The following WIZ variants were observed in gnomAD, a reference collection of about 807,000 sequenced individuals.
The protein encoded by WIZ is protein Wiz.
Under a neutral mutation model 140.2 loss-of-function variants are expected in WIZ, and 25 were observed. The ratio of observed to expected loss-of-function variants is 0.18; its 90% CI spans 0.13 to 0.25. WIZ has a LOEUF of 0.25. Ranked by LOEUF, WIZ falls within the 10% of genes least tolerant of loss-of-function variation. The pLI is 1.00. For missense variants in WIZ, 2,231 were observed against 2,632.6 expected (o/e 0.85, Z 3.34); for synonymous variants, 1,125 against 1,154.3 (o/e 0.97, Z 0.51).
At position 15,429,838 on chromosome 19, in the gene WIZ, A is replaced by G. The variant is rs1476349731; in HGVS notation, c.3163T>C (p.Leu1055=). The G allele has an allele frequency of 6.5e-7, 1 of 1,530,370 alleles. No individual in the cohort carries two copies. Among genetic ancestry groups the G allele is most frequent in the South Asian group, 1.2e-5 (1 of 83,844 alleles). The allele number at this position is 1,530,370 out of a possible 1,614,324, so 94.8% of individuals were successfully genotyped here. A position where few individuals can be genotyped will look rare whatever the true frequency, so the allele number is the denominator to read the frequency against. Residue 1055 remains leucine, a synonymous_variant, in exon 7 of 13, where the codon TTG becomes CTG. Coordinates refer to ENST00000673675, the MANE Select transcript of WIZ (RefSeq NM_001371589.1). ...TCCAAGGGCTTGGCCAGGCTGAGCA[A>G]GCCGGGCCGGGGGGCCCCGGCGACC... ...EVVAGAPRPG[L]LSLAKPLDAP...
At position 15,440,348 on chromosome 19, in the gene WIZ, T is replaced by C; in HGVS notation, c.646A>G (p.Arg216Gly). Residue 216 changes from arginine (R) to glycine (G), a missense_variant, in exon 4 of 13, where the codon AGG (arginine) becomes GGG (glycine). By Grantham distance (125) the Arg-to-Gly change is moderately radical. Coordinates refer to ENST00000673675, the MANE Select transcript of WIZ (RefSeq NM_001371589.1). The surrounding 1 kb of genome is among the most constrained non-coding windows in gnomAD (Gnocchi z 6.2). Reference protein sequence around the residue: ...PAQPPPLAPFRRVFVPVEDTP... With the variant: ...PAQPPPLAPFGRVFVPVEDTP... ...TCTTCCACTGGCACAAACACCCTCC[T>C]GAAGGGGGCGAGGGGTGGCGGCTGG... The C allele has an allele frequency of 2.0e-6, 3 of 1,529,316 alleles. No homozygotes were observed. Among genetic ancestry groups the C allele is most frequent in the Non-Finnish European group, 2.6e-6 (3 of 1,142,232 alleles). 94.7% of individuals were successfully genotyped at this position (1,529,316 alleles called of 1,614,324 possible). A position where few individuals can be genotyped will look rare whatever the true frequency, so the allele number is the denominator to read the frequency against.
In WIZ at chr19:15,427,280, A is replaced by G; in HGVS notation, c.4068T>C (p.Gly1356=). The part of the protein sequence containing the change: ...KALAKMMGGA[G]PGSSLEARSP... ...TGCGGGCTTCCAGTGAGCTGCCAGG[A>G]CCTGCGCCGCCCATCATCTTGGCCA... is the stretch of plus-strand genomic sequence containing the variant. Residue 1356 remains glycine (G), a synonymous_variant, in exon 9 of 13, where the codon GGT becomes GGC. Coordinates refer to ENST00000673675, the MANE Select transcript of WIZ (RefSeq NM_001371589.1). This position sits in a 1 kb window ranked among gnomAD's most constrained non-coding sequence, Gnocchi z 6.4. 6.2e-7 allele frequency: 1 copy of G among 1,613,542 alleles called. No individual in the cohort carries two copies. Among genetic ancestry groups the G allele is most frequent in the Non-Finnish European group, 8.5e-7 (1 of 1,179,958 alleles).
Position 15,433,337 on chromosome 19 carries a change from A to C in WIZ, c.2741-2155T>G, listed in dbSNP as rs907887557. On this transcript the variant is annotated intron_variant, in intron 5 of 12. Coordinates refer to ENST00000673675, the MANE Select transcript of WIZ (RefSeq NM_001371589.1). ...TTCCTTGACAGTTGGGTGGGGCTAG[A>C]ATCGGAACATTGCCCCGCCCCCAAC... The C allele has an allele frequency of 4.1e-6, 4 of 985,196 alleles. No individual in the cohort carries two copies. The Admixed American group carries it at 1.8e-4, about 45-fold the overall frequency. The allele number at this position is 985,196 out of a possible 1,614,324, so 61.0% of individuals were successfully genotyped here.
chr19:15,425,698 G>C lies in WIZ; in HGVS notation c.4437C>G (p.Gly1479=). ...GGTGTGAGCGCGCGTGACTCGACAG[G>C]CCCTTGCGGTTCTCGAAGAACTCGC... is the stretch of plus-strand genomic sequence containing the variant. ...FCGEFFENRK[G]LSSHARSHLR... Residue 1479 remains glycine (G), a synonymous_variant, in exon 10 of 13, where the codon GGC becomes GGG. Coordinates refer to ENST00000673675, the MANE Select transcript of WIZ (RefSeq NM_001371589.1). The C allele has an allele frequency of 6.2e-7, 1 of 1,612,936 alleles. No homozygotes were observed. Among genetic ancestry groups the C allele is most frequent in the Non-Finnish European group, 8.5e-7 (1 of 1,179,782 alleles).
rs772878563 is a variant in WIZ, at chr19:15,448,344, C to T, written c.-37G>A. The T allele has an allele frequency of 1.1e-5, 17 of 1,605,224 alleles. No individual in the cohort carries two copies. Among genetic ancestry groups the T allele is most frequent in the Non-Finnish European group, 1.4e-5 (17 of 1,178,508 alleles). ...TGCTTGGATCCACTCAGCTGCTGCA[C>T]CGGCTCAGCGGGGCATTGTGGGCCT... On this transcript the variant is annotated 5_prime_UTR_variant, in exon 2 of 13. In the 5' UTR this introduces an upstream ATG that the reference lacks. Coordinates refer to ENST00000673675, the MANE Select transcript of WIZ (RefSeq NM_001371589.1).
In WIZ at chr19:15,439,471, C is replaced by A; in HGVS notation, c.1523G>T (p.Gly508Val). Residue 508 changes from glycine (G) to valine (V), a missense_variant, in exon 4 of 13, where the codon GGC becomes GTC. Gly to Val is a moderately radical substitution (Grantham distance 109, BLOSUM62 -3). This residue lies in a region of WIZ where 475 missense variants were observed against 520.2 expected (regional missense o/e 0.91). Coordinates refer to ENST00000673675, the MANE Select transcript of WIZ (RefSeq NM_001371589.1). This position sits in a 1 kb window ranked among gnomAD's most constrained non-coding sequence, Gnocchi z 7.0. ...GCAGGCGTGAGCATCCTGGCTAGTG[C>A]CTGGCTGGCTGGCAGGGTCTTCCTC... is the stretch of plus-strand genomic sequence containing the variant. ...AYEEDPASQPGTSQDAHACFP... is the reference protein window; with the variant it reads ...AYEEDPASQPVTSQDAHACFP... 3 of 1,534,926 alleles carry A rather than the reference C, an allele frequency of 2.0e-6. No homozygotes were observed. Among genetic ancestry groups the A allele is most frequent in the Non-Finnish European group, 2.6e-6 (3 of 1,146,214 alleles).
In WIZ at chr19:15,439,586, C is replaced by T; in HGVS notation, c.1408G>A (p.Gly470Ser). ...AVGLSACVFC[G>S]FPAPSESLLR... is the part of the protein sequence containing the mutation. Reference sequence around the variant, plus strand: ...AGGCTCTCGCTGGGCGCGGGGAAACCACAGAAGACACAGGCGCTGAGGCCA... The same window carrying T: ...AGGCTCTCGCTGGGCGCGGGGAAACTACAGAAGACACAGGCGCTGAGGCCA... Residue 470 changes from glycine (G) to serine (S), a missense_variant, in exon 4 of 13, where the codon GGT becomes AGT. Physicochemically the swap from Gly to Ser is moderately conservative, Grantham distance 56. Around this residue, in one of 15 missense-constraint regions of WIZ, gnomAD observed 475 missense variants for 520.2 expected, o/e 0.91. Coordinates refer to ENST00000673675, the MANE Select transcript of WIZ (RefSeq NM_001371589.1). This position sits in a 1 kb window ranked among gnomAD's most constrained non-coding sequence, Gnocchi z 7.0. 1.3e-6 allele frequency: 2 copies of T among 1,485,756 alleles called. No individual in the cohort carries two copies. The highest frequency in any genetic ancestry group is 1.8e-6 in the Non-Finnish European group (2 of 1,120,292). 92.0% of individuals were successfully genotyped at this position (1,485,756 alleles called of 1,614,324 possible).
chr19:15,447,862 T>C, intron 2 of WIZ, among the ~76,000 whole-genome samples: 1 of 152,124 alleles, frequency 6.6e-6, no homozygotes, highest in Non-Finnish European at 1.5e-5. Flanking sequence ...CAGGCTGACC[T>C]GAGTTCAAGT....
chr19:15,424,435 G>C lies in WIZ; in HGVS notation c.5315-57C>G. 1 of 1,574,338 alleles carries C rather than the reference G, an allele frequency of 6.4e-7. No individual in the cohort carries two copies. Among genetic ancestry groups the C allele is most frequent in the Non-Finnish European group, 8.6e-7 (1 of 1,162,718 alleles). On this transcript the variant is annotated intron_variant, in intron 11 of 12. Transcript: ENST00000673675. This position sits in a 1 kb window ranked among gnomAD's most constrained non-coding sequence, Gnocchi z 9.7. ...GGAGGGGTGGATGCTGCAGAGACTT[G>C]GAATACACAAGAGCTGAGGACTGAT...
chr19:15,442,428 C>T lies in WIZ; in HGVS notation c.278+248G>A, dbSNP rs151147175. On this transcript the variant is annotated intron_variant, in intron 3 of 12. Coordinates refer to ENST00000673675, the MANE Select transcript of WIZ (RefSeq NM_001371589.1). The surrounding 1 kb of genome is among the most constrained non-coding windows in gnomAD (Gnocchi z 5.5). ...GAGAGGACTTGAAGGGTCCAACATC[C>T]AGGCTCCTGCCCCTCTGGCCCTGCT... is the stretch of plus-strand genomic sequence containing the variant. Among the ~76,000 whole-genome samples, 211 of 152,294 alleles carry T rather than the reference C, an allele frequency of 1.4e-3. 1 individual carries two copies. Among genetic ancestry groups the T allele is most frequent in the African/African-American group, 4.8e-3 (201 of 41,572 alleles).
Position 15,425,293 on chromosome 19 carries a change from C to T in WIZ, c.4842G>A (p.Gln1614=), listed in dbSNP as rs752085940. The T allele has an allele frequency of 6.9e-6, 11 of 1,591,448 alleles. No homozygotes were observed. Among genetic ancestry groups the T allele is most frequent in the Non-Finnish European group, 9.4e-6 (11 of 1,169,656 alleles). The part of the protein sequence containing the change: ...PAEVKAKTYI[Q]TELPFKAKTL... The stretch of plus-strand genomic sequence containing the variant: ...TCTTTGCCTTGAAGGGCAGTTCAGT[C>T]TGGATGTAGGTCTTGGCCTTGACCT... The change falls in exon 10 of 13, where the codon CAG becomes CAA. Residue 1614 remains glutamine (Q), a synonymous_variant. Transcript: ENST00000673675.
chr19:15,432,460 G>A lies in WIZ; in HGVS notation c.2741-1278C>T, dbSNP rs1300409716. 4 of 983,530 alleles carry A rather than the reference G, an allele frequency of 4.1e-6. No individual in the cohort carries two copies. The African/African-American group carries it at 7.0e-5, about 17-fold the overall frequency. The allele number at this position is 983,530 out of a possible 1,614,324, so 60.9% of individuals were successfully genotyped here. On this transcript the variant is annotated intron_variant, in intron 5 of 12. Coordinates refer to ENST00000673675, the MANE Select transcript of WIZ (RefSeq NM_001371589.1). ...GGGCGCGGGAGCGGACGCGGGCCCGGGCCCCGGCTCCGGCTCGGCCTTGGG... is the reference window on the plus strand; with the variant it reads ...GGGCGCGGGAGCGGACGCGGGCCCGAGCCCCGGCTCCGGCTCGGCCTTGGG...
chr19:15,432,711 T>TCC (rs1969347721), intron 5 of WIZ, among the ~76,000 whole-genome samples: 1 of 150,382 alleles, frequency 6.6e-6, no homozygotes, highest in Non-Finnish European at 1.5e-5. Context: ...CCATCTTGGC[T>TCC]CCGGCGCACG....
chr19:15,435,840 A>G (rs1179767191), intron 5 of WIZ, among the ~76,000 whole-genome samples: 1 of 152,104 alleles, frequency 6.6e-6, no homozygotes, highest in East Asian at 1.9e-4. Flanking sequence ...TCTAGCCTCT[A>G]GGCTGGGCAC....
Position 15,442,768 on chromosome 19 carries a change from C to A in WIZ, c.206-20G>T. ...GCCCGTCTGCAACAGAGAGGGGAGA[C>A]CCTGAGGGGCTGGGGTCCCCCTGGC... On this transcript the variant is annotated intron_variant, in intron 2 of 12. Transcript: ENST00000673675. The surrounding 1 kb of genome is among the most constrained non-coding windows in gnomAD (Gnocchi z 5.5). 7 of 1,230,746 alleles carry A rather than the reference C, an allele frequency of 5.7e-6. No individual in the cohort carries two copies. Among genetic ancestry groups the A allele is most frequent in the Non-Finnish European group, 7.1e-6 (7 of 986,866 alleles). The allele number at this position is 1,230,746 out of a possible 1,614,324, so 76.2% of individuals were successfully genotyped here. A position where few individuals can be genotyped will look rare whatever the true frequency, so the allele number is the denominator to read the frequency against.
In WIZ at chr19:15,440,515, C is replaced by T. The variant is rs201229144; in HGVS notation, c.479G>A (p.Gly160Asp). 6 of 1,536,136 alleles carry T rather than the reference C, an allele frequency of 3.9e-6. No individual in the cohort carries two copies. The highest frequency in any genetic ancestry group is 3.9e-5 in the Admixed American group (2 of 51,000). ...CCGGTGGTGTAAGAACCTTCTAGAGCCCTCTAGCTCAGCGTGGGGTTTCAT... is the reference window on the plus strand; with the variant it reads ...CCGGTGGTGTAAGAACCTTCTAGAGTCCTCTAGCTCAGCGTGGGGTTTCAT... ...RTMKPHAELE[G>D]SRRFLHHRGE... The change falls in exon 4 of 13, where the codon GGC becomes GAC. Residue 160 changes from glycine (G) to aspartate (D), a missense_variant. Gly to Asp is a moderately conservative substitution (Grantham distance 94, BLOSUM62 -1). Transcript: ENST00000673675. This position sits in a 1 kb window ranked among gnomAD's most constrained non-coding sequence, Gnocchi z 6.2.
chr19:15,436,877 C>T lies in WIZ; in HGVS notation c.2669G>A (p.Arg890Gln), dbSNP rs755340683. ...GPPGSFLTSR[R>Q]PRLPLTVPFP... ...GGGCACCGTGAGAGGTAAGCGGGGC[C>T]GACGGGAGGTCAGGAAGCTGCCAGG... is the stretch of plus-strand genomic sequence containing the variant. The change falls in exon 5 of 13, where the codon CGG becomes CAG. Residue 890 changes from arginine to glutamine, a missense_variant. Arg to Gln is a conservative substitution (Grantham distance 43, BLOSUM62 1). Coordinates refer to ENST00000673675, the MANE Select transcript of WIZ (RefSeq NM_001371589.1). The T allele has an allele frequency of 2.2e-5, 36 of 1,612,650 alleles. No homozygotes were observed. The highest frequency in any genetic ancestry group is 3.1e-5 in the Non-Finnish European group (36 of 1,179,502).
At chr19:15,433,470 A>G (rs1311046893) in intron 5 of WIZ, 1 of 489,050 alleles carries the variant, frequency 2.0e-6, no homozygotes. Context: ...ATCCTTACTT[A>G]AGGCAAGGCT....
rs1477155006 is a variant in WIZ at position 15,442,340 on chromosome 19, T to C, written c.278+336A>G. On this transcript the variant is annotated intron_variant, in intron 3 of 12. Transcript: ENST00000673675. The surrounding 1 kb of genome is among the most constrained non-coding windows in gnomAD (Gnocchi z 5.5). ...ATGAGATGCATCTTATGGACTCCAT[T>C]TTGCAGATGAGAAAACTGAGGCCCA... 7.2e-5 allele frequency among the ~76,000 whole-genome samples: 11 copies of C among 152,270 alleles called. No homozygotes were observed. The highest frequency in any genetic ancestry group is 2.4e-4 in the African/African-American group (10 of 41,536).
Sources: gnomAD v4.1 joint callset for allele counts (sites outside exome capture counted in the v4.1 genomes callset) on GRCh38, gnomAD v4.1.1 for gene constraint, gnomAD v4.1.1 regional missense constraint, Gnocchi (gnomAD v3.1) non-coding constraint, MANE v1.5 for transcripts, NCBI Gene and HGNC (gene_info 2026-07-23, HGNC 2026-07-21) for gene names.